RSPH10B2: variants seen among roughly 807,000 people sequenced by gnomAD.
The protein encoded by RSPH10B2 is radial spoke head 10 homolog B2 (Chlamydomonas).
RSPH10B2 carries 9 observed loss-of-function variants against 49.0 expected under a neutral mutation model. The ratio of observed to expected loss-of-function variants is 0.18; its 90% CI spans 0.11 to 0.32. The LOEUF (loss-of-function observed/expected upper bound fraction) is 0.32. RSPH10B2 is among the 10% of genes least tolerant of loss of function. The pLI, the probability that RSPH10B2 is intolerant of heterozygous loss-of-function variation, is 1.00. For synonymous variants in RSPH10B2, 35 were observed against 210.2 expected, an observed-to-expected ratio of 0.17 and a Z score of 7.21; for missense variants, 95 against 589.9, an observed-to-expected ratio of 0.16 and a Z score of 8.69.
chr7:6,755,938 TAAAA>T (rs1237393987), upstream of RSPH10B2, among the ~76,000 whole-genome samples: 1 of 75,998 alleles, frequency 1.3e-5, no homozygotes, highest in Non-Finnish European at 2.5e-5. Context: ...AGAGTCTGTC[TAAAA>T]AAAAAAAAAA....
upstream of RSPH10B2, among the ~76,000 whole-genome samples, chr7:6,752,802 T>C (rs1254896991): frequency 1.1e-5 from 1 of 91,318 alleles, no homozygotes; most frequent in Admixed American, 1.3e-4. Context: ...TGGAGTTCAA[T>C]AGCATGATCT....
intron 13 of RSPH10B2, among the ~76,000 whole-genome samples, chr7:6,784,240 G>T (rs2115462358): frequency 6.6e-5 from 1 of 15,084 alleles, no homozygotes; most frequent in South Asian, 1.8e-3. Context: ...AGATCTTCCT[G>T]GTTCTTGGTA....
At chr7:6,781,745 T>C (rs1231263116) in intron 13 of RSPH10B2, among the ~76,000 whole-genome samples, 7 of 109,172 alleles carry the variant, frequency 6.4e-5, no homozygotes, top group Non-Finnish European at 9.3e-5. Context: ...ATGGCATGCG[T>C]ATATATATAT....
At chr7:6,795,729 C>T (rs981338895) in intron 17 of RSPH10B2, among the ~76,000 whole-genome samples, 2 of 146,368 alleles carry the variant, frequency 1.4e-5, no homozygotes, top group Non-Finnish European at 3.0e-5. Context: ...CCACTGCACT[C>T]CAGCCTGGAT....
chr7:6,752,113 G>C (rs1780899377), upstream of RSPH10B2, among the ~76,000 whole-genome samples: 2 of 151,396 alleles, frequency 1.3e-5, no homozygotes, highest in African/African-American at 2.4e-5. Context: ...GTGATTCTCA[G>C]CCCTGATTCA....
At chr7:6,761,862 C>CAT (rs1781283457) in intron 3 of RSPH10B2, among the ~76,000 whole-genome samples, 1 of 138,830 alleles carries the variant, frequency 7.2e-6, no homozygotes, top group East Asian at 2.2e-4. Context: ...TGTGAGCCAC[C>CAT]GCACTGGGCC....
At chr7:6,793,088 A>G (rs1330182749) in intron 17 of RSPH10B2, among the ~76,000 whole-genome samples, 1 of 78,848 alleles carries the variant, frequency 1.3e-5, no homozygotes, top group Non-Finnish European at 2.3e-5. Flanking sequence ...TTTTTTTTTT[A>G]AAGAGGTGGG....
intron 4 of RSPH10B2, among the ~76,000 whole-genome samples, chr7:6,764,557 C>T (rs1323827947): frequency 1.9e-4 from 28 of 148,118 alleles, no homozygotes; most frequent in Admixed American, 1.6e-3. Flanking sequence ...GATGGGGTTT[C>T]GCCATGTTGG....
At position 6,783,838 on chromosome 7, in the gene RSPH10B2, A is replaced by AATTATT. The variant is rs1251922696; in HGVS notation, c.1759-2098_1759-2093dup. Among the ~76,000 whole-genome samples, 220 of 131,170 alleles carry AATTATT rather than the reference A, an allele frequency of 1.7e-3. 1 individual carries two copies. The highest frequency in any genetic ancestry group is 5.1e-3 in the African/African-American group (182 of 35,340). The allele number at this position is 131,170 out of a possible 152,430, so 86.1% of individuals were successfully genotyped here. ...CCCATTGAATAATAATAATAATAAT[A>AATTATT]ATTATTATTATTATTATTTTGACAG... is the stretch of plus-strand genomic sequence containing the variant. On this transcript the variant is annotated intron_variant, in intron 13 of 18. Transcript: ENST00000297186.
rs1225955345 is a variant in RSPH10B2 at position 6,782,102 on chromosome 7, C to T, written c.1758+626C>T. On this transcript the variant is annotated intron_variant, in intron 13 of 18. Coordinates refer to ENST00000297186, the Ensembl canonical transcript of RSPH10B2. Reference sequence around the variant, plus strand: ...CTAATTTTTGTATTTTTAGTAGAGACGGGTTTTCACCATGTTGCCCAGGCT... The same window carrying T: ...CTAATTTTTGTATTTTTAGTAGAGATGGGTTTTCACCATGTTGCCCAGGCT... 1.8e-4 allele frequency among the ~76,000 whole-genome samples: 20 copies of T among 110,010 alleles called. 4 individuals carry two copies. Among genetic ancestry groups the T allele is most frequent in the Admixed American group, 6.3e-4 (6 of 9,536 alleles). 72.2% of individuals were successfully genotyped at this position (110,010 alleles called of 152,430 possible).
At chr7:6,764,705 TTGTTGTG>T (rs1364777242) in intron 4 of RSPH10B2, among the ~76,000 whole-genome samples, 4 of 148,430 alleles carry the variant, frequency 2.7e-5, no homozygotes, top group East Asian at 2.0e-4. Flanking sequence ...TGTGTTGTTG[TTGTTGTG>T]TGTGTGTGTG....
At chr7:6,794,100 G>T (rs1357246860) in intron 17 of RSPH10B2, 21 of 153,704 alleles carry the variant, frequency 1.4e-4, no homozygotes, top group African/African-American at 5.1e-4. Flanking sequence ...AGGCATCTTG[G>T]GGGGCTGTGT....
intron 4 of RSPH10B2, among the ~76,000 whole-genome samples, chr7:6,764,734 G>A (rs1337075614): frequency 1.3e-5 from 2 of 150,898 alleles, no homozygotes; most frequent in African/African-American, 4.9e-5. Flanking sequence ...GTGTGTGTGT[G>A]TGTGTTTTAC....
chr7:6,756,158 T>A (rs556008285), upstream of RSPH10B2, among the ~76,000 whole-genome samples: 1,113 of 144,078 alleles, frequency 7.7e-3, 21 homozygotes, highest in Middle Eastern at 0.017. Context: ...TAGTCCCAGC[T>A]ACTCAGGAGG....
chr7:6,770,769 G>C (rs1297973147), intron 7 of RSPH10B2, among the ~76,000 whole-genome samples: 1 of 152,278 alleles, frequency 6.6e-6, no homozygotes, highest in South Asian at 2.1e-4. Flanking sequence ...GCTGGGTGTG[G>C]TGGCGGGCGC....
At chr7:6,772,004 G>A (rs1156686758) in intron 8 of RSPH10B2, among the ~76,000 whole-genome samples, 1 of 147,076 alleles carries the variant, frequency 6.8e-6, no homozygotes, top group Non-Finnish European at 1.5e-5. Flanking sequence ...GAAAGACTCC[G>A]TCTGGTAAAT....
rs566213588 is a variant in RSPH10B2 at position 6,763,659 on chromosome 7, G to A, written c.400-269G>A. ...CAGCACTTTCCAACATCACCTGCTTGTTTCTTCGAACTTGGTCAACCTGCA... is the reference window on the plus strand; with the variant it reads ...CAGCACTTTCCAACATCACCTGCTTATTTCTTCGAACTTGGTCAACCTGCA... On this transcript the variant is annotated intron_variant, in intron 3 of 18. Transcript: ENST00000297186. Among the ~76,000 whole-genome samples, 143 of 141,602 alleles carry A rather than the reference G, an allele frequency of 1.0e-3. 1 individual carries two copies. The highest frequency in any genetic ancestry group is 3.6e-3 in the African/African-American group (138 of 38,288). 92.9% of individuals were successfully genotyped at this position (141,602 alleles called of 152,430 possible).
intron 18 of RSPH10B2, chr7:6,797,091 C>T: frequency 3.0e-6 from 1 of 329,570 alleles, no homozygotes; most frequent in Non-Finnish European, 5.4e-6. Flanking sequence ...TCACTGCAAC[C>T]TCCGCCTCCC....
chr7:6,797,622 G>A (rs1333265183), intron 18 of RSPH10B2, among the ~76,000 whole-genome samples: 2 of 152,280 alleles, frequency 1.3e-5, no homozygotes, highest in African/African-American at 4.8e-5. Context: ...GCATTTTGGG[G>A]GGCCAAGGCA....
Sources: gnomAD v4.1 joint callset for allele counts (sites outside exome capture counted in the v4.1 genomes callset) on GRCh38, gnomAD v4.1.1 for gene constraint, MANE v1.5 for transcripts, NCBI Gene and HGNC (gene_info 2026-07-23, HGNC 2026-07-21) for gene names.